The following FGF2 variants were observed in gnomAD, a reference collection of about 807,000 sequenced individuals.
FGF2 encodes basic fibroblast growth factor bFGF.
Under a neutral mutation model 15.9 loss-of-function variants are expected in FGF2, and 13 were observed. That is an observed-to-expected ratio of 0.82 (90% CI 0.53 to 1.30). The LOEUF is 1.30. Among genes scored for constraint, FGF2 ranks in the 50% most tolerant of loss-of-function variants. The pLI, the probability that FGF2 is intolerant of heterozygous loss-of-function variation, is 0.00. For synonymous variants in FGF2, 90 were observed against 78.4 expected (o/e 1.15, Z -0.78); for missense variants, 163 against 196.9 (o/e 0.83, Z 1.03).
At chr4:122,843,059 G>A (rs553581494) in intron 1 of FGF2, among the ~76,000 whole-genome samples, 3 of 152,256 alleles carry the variant, frequency 2.0e-5, no homozygotes, top group South Asian at 4.1e-4. Context: ...CTTAAAATGT[G>A]TTTTGTTTGG....
At chr4:122,851,295 C>G (rs1001394131) in intron 1 of FGF2, among the ~76,000 whole-genome samples, 9 of 152,156 alleles carry the variant, frequency 5.9e-5, no homozygotes. Context: ...TTATCTTTAG[C>G]AGAGAAGTCC....
At chr4:122,874,207 C>A (rs944351022) in intron 1 of FGF2, among the ~76,000 whole-genome samples, 9 of 152,202 alleles carry the variant, frequency 5.9e-5, no homozygotes, top group African/African-American at 2.2e-4. Flanking sequence ...CATTTTAGAG[C>A]TGTATGCAAT....
At position 122,844,593 on chromosome 4, in the gene FGF2, T is replaced by C. The variant is rs1270116555; in HGVS notation, c.178+17241T>C. Among the ~76,000 whole-genome samples the C allele has an allele frequency of 9.8e-4, 124 of 126,974 alleles. 1 individual carries two copies. Among genetic ancestry groups the C allele is most frequent in the African/African-American group, 3.1e-3 (117 of 37,316 alleles). The allele number at this position is 126,974 out of a possible 152,430, so 83.3% of individuals were successfully genotyped here. A position where few individuals can be genotyped will look rare whatever the true frequency, so the allele number is the denominator to read the frequency against. On this transcript the variant is annotated intron_variant, in intron 1 of 2. Transcript: ENST00000644866. ...TCTTTTTCTTTCTTTCTTTCTTCCTTCCTTCCTTCCTTCCTTCCTTCCTTT... is the reference window on the plus strand; with the variant it reads ...TCTTTTTCTTTCTTTCTTTCTTCCTCCCTTCCTTCCTTCCTTCCTTCCTTT...
chr4:122,861,943 C>T (rs1009247613), intron 1 of FGF2, among the ~76,000 whole-genome samples: 8 of 152,134 alleles, frequency 5.3e-5, no homozygotes, highest in Non-Finnish European at 1.2e-4. Flanking sequence ...TTCCAGGAAA[C>T]CTCTCTGTTC....
At chr4:122,843,269 G>A (rs1197689895) in intron 1 of FGF2, among the ~76,000 whole-genome samples, 1 of 152,220 alleles carries the variant, frequency 6.6e-6, no homozygotes, top group African/African-American at 2.4e-5. Flanking sequence ...AGACAGGGCG[G>A]GGAAGGGCAG....
Position 122,827,255 on chromosome 4 carries a change from G to A in FGF2, c.81G>A (p.Lys27=), listed in dbSNP as rs1482883435. The A allele has an allele frequency of 8.7e-6, 14 of 1,612,374 alleles. No individual in the cohort carries two copies. The highest frequency in any genetic ancestry group is 1.2e-5 in the Non-Finnish European group (14 of 1,179,770). The part of the protein sequence containing the change: ...GSGAFPPGHF[K]DPKRLYCKNG... ...GCGCCTTCCCGCCCGGCCACTTCAA[G>A]GACCCCAAGCGGCTGTACTGCAAAA... is the stretch of plus-strand genomic sequence containing the variant. The change falls in exon 1 of 3, where the codon AAG becomes AAA. Residue 27 remains lysine (K), a synonymous_variant. Coordinates refer to ENST00000644866, the MANE Select transcript of FGF2 (RefSeq NM_001361665.2). The surrounding 1 kb of genome is among the most constrained non-coding windows in gnomAD (Gnocchi z 4.2).
At chr4:122,833,891 T>G (rs1205668360) in intron 1 of FGF2, among the ~76,000 whole-genome samples, 1 of 152,220 alleles carries the variant, frequency 6.6e-6, no homozygotes, top group Non-Finnish European at 1.5e-5. Context: ...CTTAGAATAA[T>G]CTAGAGAAAG....
At chr4:122,858,485 C>T (rs567388993) in intron 1 of FGF2, among the ~76,000 whole-genome samples, 2 of 152,184 alleles carry the variant, frequency 1.3e-5, no homozygotes, top group Admixed American at 6.5e-5. Flanking sequence ...GCAACTTCCG[C>T]CTCCTGGGTT....
At chr4:122,872,401 G>A (rs1290051248) in intron 1 of FGF2, among the ~76,000 whole-genome samples, 1 of 152,142 alleles carries the variant, frequency 6.6e-6, no homozygotes, top group Non-Finnish European at 1.5e-5. Context: ...ACTATCGATT[G>A]GAGTACCAGA....
At position 122,895,650 on chromosome 4, in the gene FGF2, A is replaced by G. The variant is rs532022111; in HGVS notation, c.*3254A>G. On this transcript the variant is annotated 3_prime_UTR_variant, in exon 3 of 3. Transcript: ENST00000644866. ...ATCTTGTGGATACCTTTATACTCTTAGGGTATTATTTTATACAAAAGCCTT... is the reference window on the plus strand; with the variant it reads ...ATCTTGTGGATACCTTTATACTCTTGGGGTATTATTTTATACAAAAGCCTT... 17 of 152,264 alleles carry G rather than the reference A, an allele frequency of 1.1e-4. No homozygotes were observed. The highest frequency in any genetic ancestry group is 2.2e-4 in the Non-Finnish European group (15 of 68,006). 9.4% of individuals were successfully genotyped at this position (152,264 alleles called of 1,614,324 possible). A position where few individuals can be genotyped will look rare whatever the true frequency, so the allele number is the denominator to read the frequency against.
intron 1 of FGF2, among the ~76,000 whole-genome samples, chr4:122,853,466 A>G (rs1201058101): frequency 2.6e-5 from 4 of 152,208 alleles, no homozygotes; most frequent in African/African-American, 9.7e-5. Flanking sequence ...GACAATGCTG[A>G]GGTAGAGTAA....
intron 1 of FGF2, among the ~76,000 whole-genome samples, chr4:122,876,107 G>A (rs893580607): frequency 6.6e-6 from 1 of 152,082 alleles, no homozygotes. Flanking sequence ...GAACTCACAA[G>A]GCACTGGTGC....
At chr4:122,849,888 A>G (rs1023136312) in intron 1 of FGF2, among the ~76,000 whole-genome samples, 10 of 152,232 alleles carry the variant, frequency 6.6e-5, no homozygotes, top group African/African-American at 2.4e-4. Context: ...ATTGCTAATA[A>G]CACCAGTTTG....
chr4:122,838,301 G>A (rs921882132), intron 1 of FGF2, among the ~76,000 whole-genome samples: 8 of 152,182 alleles, frequency 5.3e-5, no homozygotes, highest in Admixed American at 4.6e-4. Flanking sequence ...AGGGTCAGGT[G>A]TTTGGCCTTT....
At chr4:122,850,808 A>G (rs1726215337) in intron 1 of FGF2, among the ~76,000 whole-genome samples, 1 of 152,062 alleles carries the variant, frequency 6.6e-6, no homozygotes, top group Non-Finnish European at 1.5e-5. Flanking sequence ...GGCACAGGGG[A>G]AGGAAACACA....
intron 1 of FGF2, among the ~76,000 whole-genome samples, chr4:122,848,921 A>G (rs1726170679): frequency 6.6e-6 from 1 of 152,160 alleles, no homozygotes; most frequent in African/African-American, 2.4e-5. Context: ...CACTGCTAGG[A>G]GAGAGCTGGG....
intron 1 of FGF2, among the ~76,000 whole-genome samples, chr4:122,875,929 T>C (rs2150783905): frequency 6.6e-6 from 1 of 152,366 alleles, no homozygotes; most frequent in East Asian, 1.9e-4. Context: ...GGAATTCTCC[T>C]ACACTTTTAT....
At chr4:122,879,173 G>T (rs921888126) in intron 2 of FGF2, among the ~76,000 whole-genome samples, 4 of 152,138 alleles carry the variant, frequency 2.6e-5, no homozygotes, top group African/African-American at 7.2e-5. Context: ...CTTTTATTCT[G>T]CCAATCTATT....
At chr4:122,883,154 T>C (rs920650910) in intron 2 of FGF2, 1 of 152,224 alleles carries the variant, frequency 6.6e-6, no homozygotes. Context: ...TACTGTGTTA[T>C]GACACATCCC....
Sources: allele counts gnomAD v4.1 joint callset (sites outside exome capture counted in the v4.1 genomes callset), GRCh38; gene constraint gnomAD v4.1.1; non-coding constraint Gnocchi (gnomAD v3.1); transcripts MANE v1.5; gene names NCBI Gene and HGNC (gene_info 2026-07-23, HGNC 2026-07-21).